The following PARP8 variants were observed in gnomAD, a reference collection of about 807,000 sequenced individuals.
PARP8 encodes the protein protein mono-ADP-ribosyltransferase PARP8.
PARP8 carries 51 observed loss-of-function variants against 124.1 expected under a neutral mutation model. The ratio of observed to expected loss-of-function variants is 0.41; its 90% CI spans 0.33 to 0.52. The LOEUF (loss-of-function observed/expected upper bound fraction) is 0.52. Ranked by LOEUF, PARP8 falls within the 20% of genes least tolerant of loss-of-function variation. The pLI is 0.21. For synonymous variants in PARP8, 391 were observed against 361.5 expected (o/e 1.08, Z -0.93); for missense variants, 860 against 1,018.9 (o/e 0.84, Z 2.12).
intron 1 of PARP8, 123 bp from the exon 2 acceptor site, chr5:50,667,948 C>CT: frequency 6.3e-7 from 1 of 1,585,314 alleles, no homozygotes; most frequent in African/African-American, 1.3e-5. Context: ...TCGCCGCCCT[C>CT]TAGCCCTTGC....
intron 2 of PARP8, among the ~76,000 whole-genome samples, chr5:50,733,197 A>T (rs1757150757): frequency 6.6e-6 from 1 of 151,672 alleles, no homozygotes; most frequent in South Asian, 2.1e-4. Flanking sequence ...CCAGCTACTC[A>T]GCAGGGGAAT....
rs993623770 is a variant in PARP8, at chr5:50,795,504, A to C, written c.1428+87A>C. The C allele has an allele frequency of 3.0e-5, 34 of 1,116,138 alleles. No individual in the cohort carries two copies. The South Asian group carries it at 6.4e-4, about 21-fold the overall frequency. The allele number at this position is 1,116,138 out of a possible 1,614,324, so 69.1% of individuals were successfully genotyped here. Reference sequence around the variant, plus strand: ...TTTCTTATAAGATCTGGTGGAGAAAAGAAGCAAAACTTTGTTTTAATTTAC... The same window carrying C: ...TTTCTTATAAGATCTGGTGGAGAAACGAAGCAAAACTTTGTTTTAATTTAC... On this transcript the variant is annotated intron_variant, in intron 12 of 25. Coordinates refer to ENST00000281631, the MANE Select transcript of PARP8 (RefSeq NM_024615.4).
At chr5:50,829,192 A>C (rs1405363975) in intron 21 of PARP8, among the ~76,000 whole-genome samples, 2 of 152,174 alleles carry the variant, frequency 1.3e-5, no homozygotes, top group African/African-American at 4.8e-5. Context: ...CTTCATCTTT[A>C]TTTATGCCTT....
intron 14 of PARP8, among the ~76,000 whole-genome samples, chr5:50,799,127 G>A (rs750359227): frequency 7.2e-5 from 11 of 151,944 alleles, no homozygotes; most frequent in South Asian, 4.1e-4. Context: ...TTGATGTTGC[G>A]TCTAAAAAGT....
At chr5:50,836,621 A>C (rs1747615158) in intron 25 of PARP8, among the ~76,000 whole-genome samples, 1 of 152,192 alleles carries the variant, frequency 6.6e-6, no homozygotes, top group Admixed American at 6.5e-5. Context: ...GGGCAGAACG[A>C]AGGCAGAGAA....
intron 2 of PARP8, among the ~76,000 whole-genome samples, chr5:50,706,774 A>G (rs559997086): frequency 6.6e-6 from 1 of 152,206 alleles, no homozygotes; most frequent in African/African-American, 2.4e-5. Context: ...TTGAAGTAAT[A>G]ATAAGAAGAA....
intron 1 of PARP8, among the ~76,000 whole-genome samples, 168 bp downstream of exon 1, chr5:50,667,354 C>T (rs1279789289): frequency 6.6e-6 from 1 of 152,226 alleles, no homozygotes; most frequent in African/African-American, 2.4e-5. Flanking sequence ...GAGGGGGCGC[C>T]AGCCTCTCCC....
At chr5:50,758,518 C>T (rs1253503654) in intron 3 of PARP8, among the ~76,000 whole-genome samples, 1 of 152,168 alleles carries the variant, frequency 6.6e-6, no homozygotes, top group Non-Finnish European at 1.5e-5. Flanking sequence ...ATTGTGTTCT[C>T]ATTGTACCGA....
At chr5:50,674,133 G>A (rs763004157) in intron 2 of PARP8, among the ~76,000 whole-genome samples, 1 of 152,134 alleles carries the variant, frequency 6.6e-6, no homozygotes, top group African/African-American at 2.4e-5. Flanking sequence ...CATGACATAA[G>A]TTGGGCTTTC....
At chr5:50,794,443 C>T in intron 11 of PARP8, 111 bp downstream of exon 11, 2 of 1,275,752 alleles carry the variant, frequency 1.6e-6, no homozygotes, top group South Asian at 1.8e-5. Context: ...TTCTTTATAA[C>T]CTCTAAGAAA....
At chr5:50,706,454 C>A (rs1280100757) in intron 2 of PARP8, among the ~76,000 whole-genome samples, 2 of 151,832 alleles carry the variant, frequency 1.3e-5, no homozygotes, top group Non-Finnish European at 1.5e-5. Context: ...ATAGCTGGAG[C>A]CTTTTGATGG....
In PARP8 at chr5:50,844,625, C is replaced by G. The variant is rs1251030265; in HGVS notation, c.*2557C>G. ...ATTATTTGAAATCTGTTCACCAATG[C>G]TTTGTAATGGTTTTATTAATTGTGT... On this transcript the variant is annotated 3_prime_UTR_variant, in exon 26 of 26. Transcript: ENST00000281631. 6.6e-6 allele frequency: 1 copy of G among 151,724 alleles called. No individual in the cohort carries two copies. Among genetic ancestry groups the G allele is most frequent in the Non-Finnish European group, 1.5e-5 (1 of 67,780 alleles). 9.4% of individuals were successfully genotyped at this position (151,724 alleles called of 1,614,324 possible). A position where few individuals can be genotyped will look rare whatever the true frequency, so the allele number is the denominator to read the frequency against.
At chr5:50,778,674 T>A (rs749390807) in intron 9 of PARP8, 24 bp downstream of exon 9, 4 of 1,475,508 alleles carry the variant, frequency 2.7e-6, no homozygotes, top group Admixed American at 3.9e-5. Context: ...CTTTATTTAT[T>A]ATTTTGAATA....
intron 20 of PARP8, 56 bp downstream of exon 20, chr5:50,828,112 G>T: frequency 3.1e-6 from 4 of 1,307,178 alleles, no homozygotes; most frequent in Non-Finnish European, 4.4e-6. Context: ...TTCCAGAAAT[G>T]TATGGGGAAG....
In PARP8 at chr5:50,667,939, C is replaced by T. The variant is rs1340866950; in HGVS notation, c.92-132C>T. On this transcript the variant is annotated intron_variant, in intron 1 of 25. Transcript: ENST00000281631. ...CCTCGGACGCGGCGCAGAGGGACCT[C>T]GCCGCCCTCTAGCCCTTGCCTTCTG... is the stretch of plus-strand genomic sequence containing the variant. The T allele has an allele frequency of 3.5e-5, 54 of 1,558,442 alleles. No homozygotes were observed. The South Asian group carries it at 5.2e-4, about 15-fold the overall frequency.
At chr5:50,798,211 C>T (rs1435824544) in intron 14 of PARP8, among the ~76,000 whole-genome samples, 4 of 152,054 alleles carry the variant, frequency 2.6e-5, no homozygotes, top group Non-Finnish European at 2.9e-5. Flanking sequence ...AGTCATCAGT[C>T]GATGGAATTG....
Position 50,702,913 on chromosome 5 carries a change from G to T in PARP8, c.146+34788G>T, listed in dbSNP as rs547828851. On this transcript the variant is annotated intron_variant, in intron 2 of 25. Transcript: ENST00000281631. ...GGGCACATGGCTGTAGTGGTGACAG[G>T]GCTGCCTGGAACCCTGTCCTCATGG... Among the ~76,000 whole-genome samples the T allele has an allele frequency of 1.7e-3, 257 of 152,244 alleles. 5 individuals carry two copies. Among genetic ancestry groups the T allele is most frequent in the African/African-American group, 6.1e-3 (254 of 41,556 alleles).
At chr5:50,731,858 G>A (rs1025638911) in intron 2 of PARP8, among the ~76,000 whole-genome samples, 14 of 152,090 alleles carry the variant, frequency 9.2e-5, no homozygotes, top group East Asian at 1.9e-4. Context: ...CATATTTAGC[G>A]GTAAACCTAT....
chr5:50,799,529 C>T (rs544899599), intron 14 of PARP8, among the ~76,000 whole-genome samples: 1 of 152,298 alleles, frequency 6.6e-6, no homozygotes, highest in Non-Finnish European at 1.5e-5. Context: ...TATAAGATTG[C>T]ATTGACTGTT....
Sources: allele counts gnomAD v4.1 joint callset (sites outside exome capture counted in the v4.1 genomes callset), GRCh38; gene constraint gnomAD v4.1.1; transcripts MANE v1.5; gene names NCBI Gene and HGNC (gene_info 2026-07-23, HGNC 2026-07-21).